Variants in PLEKHD1 observed in about 807,000 individuals in gnomAD.
PLEKHD1 encodes pleckstrin homology domain-containing family D member 1.
A neutral mutation model predicts 69.2 loss-of-function variants in PLEKHD1; 51 were observed. The observed-to-expected ratio is 0.74, with a 90% confidence interval of 0.59 to 0.93. The LOEUF is 0.93. PLEKHD1 is among the 40% of genes least tolerant of loss of function. The pLI is 0.00. For synonymous variants in PLEKHD1, 236 were observed against 244.7 expected, an observed-to-expected ratio of 0.96 and a Z score of 0.33; for missense variants, 584 against 641.0, an observed-to-expected ratio of 0.91 and a Z score of 0.96.
chr14:69,507,370 C>T (rs778533851), intron 6 of PLEKHD1, among the ~76,000 whole-genome samples: 39 of 152,124 alleles, frequency 2.6e-4, no homozygotes, highest in Non-Finnish European at 4.6e-4. Flanking sequence ...ATGATATTAC[C>T]TTATCCGCAT....
chr14:69,516,641 A>C (rs1055954535), intron 6 of PLEKHD1, among the ~76,000 whole-genome samples: 1 of 152,082 alleles, frequency 6.6e-6, no homozygotes, highest in Non-Finnish European at 1.5e-5. Context: ...TTGAGCAGGG[A>C]GTAAGGAAAA....
the PLEKHD1 span, among the ~76,000 whole-genome samples, chr14:69,471,992 T>C: frequency 1.3e-5 from 2 of 152,270 alleles, no homozygotes; most frequent in African/African-American, 4.8e-5. Context: ...GGTGAGAAAA[T>C]GTTTCACACG....
chr14:69,477,227 G>T, the PLEKHD1 span, among the ~76,000 whole-genome samples: 2 of 152,056 alleles, frequency 1.3e-5, no homozygotes, highest in Non-Finnish European at 2.9e-5. Context: ...TGGTCAGGCT[G>T]GCCCTTTTTA....
rs1379113270 is a variant in PLEKHD1 at position 69,530,867 on chromosome 14, A to G, written c.*2448A>G. ...TTCATAAGGGAGAGTCTTCATGGCC[A>G]AATCACCTCTTAAATGTTCCACCTC... is the stretch of plus-strand genomic sequence containing the variant. On this transcript the variant is annotated 3_prime_UTR_variant, in exon 13 of 13. Coordinates refer to ENST00000322564, the MANE Select transcript of PLEKHD1 (RefSeq NM_001161498.2). 1 of 152,250 alleles carries G rather than the reference A, an allele frequency of 6.6e-6. No individual in the cohort carries two copies. Among genetic ancestry groups the G allele is most frequent in the African/African-American group, 2.4e-5 (1 of 41,460 alleles). The allele number at this position is 152,250 out of a possible 1,614,324, so 9.4% of individuals were successfully genotyped here. A position where few individuals can be genotyped will look rare whatever the true frequency, so the allele number is the denominator to read the frequency against.
At chr14:69,514,581 G>T (rs1165189094) in intron 6 of PLEKHD1, among the ~76,000 whole-genome samples, 1 of 152,010 alleles carries the variant, frequency 6.6e-6, no homozygotes, top group Non-Finnish European at 1.5e-5. Flanking sequence ...TGGTTCTGAT[G>T]CTTGCTCTAT....
At position 69,495,576 on chromosome 14, in the gene PLEKHD1, G is replaced by A. The variant is rs115223901; in HGVS notation, c.150-4539G>A. Among the ~76,000 whole-genome samples the A allele has an allele frequency of 4.5e-3, 679 of 152,310 alleles. 5 individuals are homozygous for A. Among genetic ancestry groups the A allele is most frequent in the African/African-American group, 0.015 (635 of 41,552 alleles). On this transcript the variant is annotated intron_variant, in intron 1 of 12. Coordinates refer to ENST00000322564, the MANE Select transcript of PLEKHD1 (RefSeq NM_001161498.2). ...TAATAGCAGTAACTGCTTGGAATGAGGTGTGGTATGTGGAAAGTACTCTAT... is the reference window on the plus strand; with the variant it reads ...TAATAGCAGTAACTGCTTGGAATGAAGTGTGGTATGTGGAAAGTACTCTAT...
At chr14:69,475,281 A>G in the PLEKHD1 span, among the ~76,000 whole-genome samples, 4 of 152,342 alleles carry the variant, frequency 2.6e-5, no homozygotes, top group East Asian at 7.7e-4. Flanking sequence ...CCCAAAATAT[A>G]CTTGCTCTTA....
intron 1 of PLEKHD1, among the ~76,000 whole-genome samples, chr14:69,497,475 C>A (rs1007504024): frequency 1.3e-5 from 2 of 152,262 alleles, no homozygotes; most frequent in Non-Finnish European, 2.9e-5. Flanking sequence ...CAAGTGCAGG[C>A]TCTGCTAGCA....
chr14:69,486,731 G>T (rs1040629890), intron 1 of PLEKHD1, among the ~76,000 whole-genome samples: 1 of 152,176 alleles, frequency 6.6e-6, no homozygotes, highest in Non-Finnish European at 1.5e-5. Flanking sequence ...CTAGGTGCTT[G>T]TGACCCCCAG....
rs1394374484 is a variant in PLEKHD1, at chr14:69,531,242, A to G, written c.*2823A>G. 1.3e-5 allele frequency: 2 copies of G among 152,394 alleles called. No individual in the cohort carries two copies. Among genetic ancestry groups the G allele is most frequent in the Non-Finnish European group, 2.9e-5 (2 of 68,052 alleles). 9.4% of individuals were successfully genotyped at this position (152,394 alleles called of 1,614,324 possible). A position where few individuals can be genotyped will look rare whatever the true frequency, so the allele number is the denominator to read the frequency against. On this transcript the variant is annotated 3_prime_UTR_variant, in exon 13 of 13. Coordinates refer to ENST00000322564, the MANE Select transcript of PLEKHD1 (RefSeq NM_001161498.2). Reference sequence around the variant, plus strand: ...TTCAGTGTGAGTTTGGGAGGGAACAAACATTCAAACTGTAGCAGTGCTTTT... The same window carrying G: ...TTCAGTGTGAGTTTGGGAGGGAACAGACATTCAAACTGTAGCAGTGCTTTT...
At chr14:69,510,420 C>A (rs1052688494) in intron 6 of PLEKHD1, among the ~76,000 whole-genome samples, 1 of 151,664 alleles carries the variant, frequency 6.6e-6, no homozygotes, top group African/African-American at 2.4e-5. Context: ...AGATTTATAC[C>A]TAAGTATTTC....
intron 1 of PLEKHD1, among the ~76,000 whole-genome samples, chr14:69,491,057 C>T (rs1418591721): frequency 6.6e-6 from 1 of 152,170 alleles, no homozygotes; most frequent in Non-Finnish European, 1.5e-5. Context: ...GACCAAATCC[C>T]ATATCTAAAG....
At chr14:69,526,966 C>G (rs1230122287) in intron 10 of PLEKHD1, 137 bp downstream of exon 10, 1 of 1,321,548 alleles carries the variant, frequency 7.6e-7, no homozygotes, top group Non-Finnish European at 1.0e-6. Context: ...GATGGAGCCA[C>G]CACGAGGGGA....
chr14:69,493,960 C>T (rs1002153509), intron 1 of PLEKHD1, among the ~76,000 whole-genome samples: 1 of 152,144 alleles, frequency 6.6e-6, no homozygotes, highest in African/African-American at 2.4e-5. Flanking sequence ...GCAGCATATG[C>T]AGGGATAAGC....
intron 4 of PLEKHD1, 80 bp from the exon 5 acceptor site, chr14:69,501,654 T>C (rs1883026604): frequency 8.8e-7 from 1 of 1,130,448 alleles, no homozygotes; most frequent in Non-Finnish European, 1.3e-6. Context: ...ATGCCTTCTC[T>C]TTCCCCTCTA....
intron 6 of PLEKHD1, among the ~76,000 whole-genome samples, chr14:69,519,801 G>A (rs562327535): frequency 6.6e-6 from 1 of 152,216 alleles, no homozygotes; most frequent in South Asian, 2.1e-4. Flanking sequence ...TTCCAGGGAT[G>A]GGGTGGAGCC....
the PLEKHD1 span, among the ~76,000 whole-genome samples, chr14:69,478,693 G>C: frequency 1.3e-5 from 2 of 152,140 alleles, no homozygotes; most frequent in African/African-American, 4.8e-5. Flanking sequence ...TTCCCAACAA[G>C]TTCCTCATCT....
At position 69,528,445 on chromosome 14, in the gene PLEKHD1, G is replaced by A; in HGVS notation, c.*26G>A. On this transcript the variant is annotated 3_prime_UTR_variant, in exon 13 of 13. Transcript: ENST00000322564. The stretch of plus-strand genomic sequence containing the variant: ...TGGGCGCTCCTCCCCTGCTTCCCAA[G>A]TCTCCCCTGGATGGGCGGGGGAGGG... The A allele has an allele frequency of 6.5e-7, 1 of 1,547,102 alleles. No individual in the cohort carries two copies. Among genetic ancestry groups the A allele is most frequent in the East Asian group, 2.4e-5 (1 of 40,888 alleles).
At chr14:69,489,572 A>AAAAGG in intron 1 of PLEKHD1, among the ~76,000 whole-genome samples, 1 of 149,604 alleles carries the variant, frequency 6.7e-6, no homozygotes, top group South Asian at 2.2e-4. Flanking sequence ...AAAAAAAAAA[A>AAAAGG]AAAAAAAAAG....
Sources: gnomAD v4.1 joint callset for allele counts (sites outside exome capture counted in the v4.1 genomes callset) on GRCh38, gnomAD v4.1.1 for gene constraint, MANE v1.5 for transcripts, NCBI Gene and HGNC (gene_info 2026-07-23, HGNC 2026-07-21) for gene names.